Variants in SLC4A4 observed in about 807,000 individuals in gnomAD.
The protein encoded by SLC4A4 is solute carrier family 4 member 4.
A neutral mutation model predicts 111.5 loss-of-function variants in SLC4A4; 27 were observed. That is an observed-to-expected ratio of 0.24 (90% CI 0.18 to 0.33). SLC4A4 has a LOEUF of 0.33. Ranked by LOEUF, SLC4A4 falls within the 10% of genes least tolerant of loss-of-function variation. SLC4A4 has a pLI of 1.00. For missense variants in SLC4A4, 909 were observed against 1,315.5 expected, an observed-to-expected ratio of 0.69 and a Z score of 4.78; for synonymous variants, 443 against 463.4, an observed-to-expected ratio of 0.96 and a Z score of 0.57.
intron 7 of SLC4A4, among the ~76,000 whole-genome samples, chr4:71,428,543 G>A (rs137971325): frequency 2.0e-5 from 3 of 152,132 alleles, no homozygotes; most frequent in Admixed American, 2.0e-4. Context: ...ATTGGGTGAC[G>A]TTGAATGATT....
At chr4:71,144,645 CT>C (rs1744112801) in intron 2 of SLC4A4, among the ~76,000 whole-genome samples, 1 of 151,350 alleles carries the variant, frequency 6.6e-6, no homozygotes, top group Non-Finnish European at 1.5e-5. Flanking sequence ...TGTAGTTCTC[CT>C]TGAAGAGGTC....
intron 1 of SLC4A4, among the ~76,000 whole-genome samples, chr4:71,220,027 A>G (rs1424706462): frequency 6.6e-6 from 1 of 152,212 alleles, no homozygotes; most frequent in Non-Finnish European, 1.5e-5. Flanking sequence ...GATTCAGAAT[A>G]TTACATAAAC....
chr4:71,121,240 T>G (rs1336166284), intron 2 of SLC4A4, among the ~76,000 whole-genome samples: 3 of 146,152 alleles, frequency 2.1e-5, no homozygotes, highest in African/African-American at 2.6e-5. Flanking sequence ...GGCTGTGGGC[T>G]CCCATGCTGC....
At chr4:71,158,221 G>A (rs1367055170) in intron 2 of SLC4A4, among the ~76,000 whole-genome samples, 1 of 150,696 alleles carries the variant, frequency 6.6e-6, no homozygotes, top group Non-Finnish European at 1.5e-5. Flanking sequence ...TAGCCACACA[G>A]CATCTCCATA....
chr4:71,149,898 C>T (rs1447883305), intron 2 of SLC4A4, among the ~76,000 whole-genome samples: 4 of 152,174 alleles, frequency 2.6e-5, no homozygotes, highest in Non-Finnish European at 5.9e-5. Context: ...AATTAGCCAT[C>T]TGGCTTAACT....
Position 71,453,663 on chromosome 4 carries a change from C to T in SLC4A4, c.1491C>T (p.Asn497=), listed in dbSNP as rs903660466. ...FGGLLGDATD[N]MQGVLESFLG... is the part of the protein sequence containing the mutation. ...GACTGCTTGGGGATGCCACTGACAA[C>T]ATGCAGGTGGGTATGGTTTTGAGGA... The change falls in exon 12 of 26, where the codon AAC becomes AAT. Residue 497 remains asparagine (N), a synonymous_variant. Transcript: ENST00000264485. 22 of 1,613,746 alleles carry T rather than the reference C, an allele frequency of 1.4e-5. No homozygotes were observed. Among genetic ancestry groups the T allele is most frequent in the Non-Finnish European group, 1.9e-5 (22 of 1,179,834 alleles).
At chr4:71,473,391 C>A in intron 14 of SLC4A4, 1 of 356,964 alleles carries the variant, frequency 2.8e-6, no homozygotes, top group Non-Finnish European at 5.0e-6. Flanking sequence ...TGATTTTAAA[C>A]TTATAGAAGA....
chr4:71,116,663 G>T (rs1278011678), intron 2 of SLC4A4, among the ~76,000 whole-genome samples: 1 of 152,220 alleles, frequency 6.6e-6, no homozygotes, highest in Non-Finnish European at 1.5e-5. Flanking sequence ...ATGCCTGTTG[G>T]CCGGACGTGG....
intron 16 of SLC4A4, among the ~76,000 whole-genome samples, chr4:71,510,371 G>C (rs529317100): frequency 6.6e-6 from 1 of 152,102 alleles, no homozygotes; most frequent in Non-Finnish European, 1.5e-5. Flanking sequence ...TTATTTATTT[G>C]CTATTTTGGT....
chr4:71,567,141 T>C (rs1221775835), intron 25 of SLC4A4, 58 bp downstream of exon 25: 5 of 1,305,916 alleles, frequency 3.8e-6, no homozygotes, highest in East Asian at 4.7e-5. Context: ...CACAGAAATG[T>C]AGTTAATGGT....
chr4:71,551,928 T>C (rs539960471), intron 20 of SLC4A4, among the ~76,000 whole-genome samples: 2 of 152,002 alleles, frequency 1.3e-5, no homozygotes, highest in African/African-American at 4.8e-5. Flanking sequence ...AATATAGTTG[T>C]TACTGCTGAA....
intron 2 of SLC4A4, among the ~76,000 whole-genome samples, chr4:71,174,765 C>G (rs937586551): frequency 1.3e-5 from 2 of 152,078 alleles, no homozygotes; most frequent in Non-Finnish European, 2.9e-5. Flanking sequence ...GTTTTTGAGA[C>G]AGGGTCTTGT....
chr4:71,150,312 C>A (rs1744281020), intron 2 of SLC4A4, among the ~76,000 whole-genome samples: 1 of 151,942 alleles, frequency 6.6e-6, no homozygotes, highest in South Asian at 2.1e-4. Flanking sequence ...TGGGGAGAAC[C>A]AAGAGCCATA....
chr4:71,549,200 G>A (rs969669905), intron 20 of SLC4A4, among the ~76,000 whole-genome samples: 2 of 151,952 alleles, frequency 1.3e-5, no homozygotes, highest in Admixed American at 6.6e-5. Flanking sequence ...TATGGGATAA[G>A]TGTGAAGATG....
intron 7 of SLC4A4, among the ~76,000 whole-genome samples, chr4:71,407,788 T>TG (rs1560480303): frequency 6.6e-6 from 1 of 152,192 alleles, no homozygotes. Context: ...AATGTTTTTT[T>TG]TTTTTGTAGT....
At chr4:71,099,122 A>G (rs1349985673) in intron 2 of SLC4A4, among the ~76,000 whole-genome samples, 2 of 152,196 alleles carry the variant, frequency 1.3e-5, no homozygotes, top group African/African-American at 4.8e-5. Flanking sequence ...ATAGATCTCT[A>G]CAGAACTCTC....
At chr4:71,405,283 A>G (rs1052843334) in intron 7 of SLC4A4, among the ~76,000 whole-genome samples, 3 of 152,122 alleles carry the variant, frequency 2.0e-5, no homozygotes, top group Non-Finnish European at 4.4e-5. Flanking sequence ...CTTCAAAACA[A>G]CTGCCATTAG....
intron 7 of SLC4A4, among the ~76,000 whole-genome samples, chr4:71,401,877 G>A (rs896824231): frequency 2.0e-5 from 3 of 152,186 alleles, no homozygotes; most frequent in African/African-American, 7.2e-5. Context: ...GAAATAGCCT[G>A]CAGATTCTCA....
chr4:71,458,250 A>G (rs1246924826), intron 12 of SLC4A4, among the ~76,000 whole-genome samples: 1 of 152,100 alleles, frequency 6.6e-6, no homozygotes, highest in Non-Finnish European at 1.5e-5. Flanking sequence ...TGCAAATTAA[A>G]TCAACACATA....
Sources: allele counts gnomAD v4.1 joint callset (sites outside exome capture counted in the v4.1 genomes callset), GRCh38; gene constraint gnomAD v4.1.1; transcripts MANE v1.5; gene names NCBI Gene and HGNC (gene_info 2026-07-23, HGNC 2026-07-21).